The following COG7 variants were observed in gnomAD, a reference collection of about 807,000 sequenced individuals.
COG7 encodes component of oligomeric golgi complex 7.
In COG7, 49 loss-of-function variants were observed where a neutral mutation model predicts 91.5. The ratio of observed to expected loss-of-function variants is 0.54; its 90% CI spans 0.43 to 0.68. COG7 has a LOEUF of 0.68. Ranked by LOEUF, COG7 falls within the 30% of genes least tolerant of loss-of-function variation. The probability of loss-of-function intolerance (pLI) is 0.00; values close to 1 mark genes in which losing one functional copy is unlikely to be tolerated. For missense variants in COG7, 895 were observed against 961.3 expected, an observed-to-expected ratio of 0.93 and a Z score of 0.91; for synonymous variants, 365 against 388.7, an observed-to-expected ratio of 0.94 and a Z score of 0.72.
At chr16:23,396,972 C>T (rs1963294180) in intron 14 of COG7, among the ~76,000 whole-genome samples, 1 of 152,046 alleles carries the variant, frequency 6.6e-6, no homozygotes, top group African/African-American at 2.4e-5. Context: ...TGCAGTGGTG[C>T]AATCACAGCT....
intron 16 of COG7, among the ~76,000 whole-genome samples, chr16:23,391,195 G>T (rs975717823): frequency 1.3e-5 from 2 of 152,126 alleles, no homozygotes; most frequent in East Asian, 3.9e-4. Flanking sequence ...ACAGATGCTC[G>T]AGCAATGCTG....
rs1963823727 is a variant in COG7, at chr16:23,425,053, T to C, written c.811-106A>G. 4 of 947,984 alleles carry C rather than the reference T, an allele frequency of 4.2e-6. No individual in the cohort carries two copies. The South Asian group carries it at 4.3e-5, about 10-fold the overall frequency. The allele number at this position is 947,984 out of a possible 1,614,324, so 58.7% of individuals were successfully genotyped here. A position where few individuals can be genotyped will look rare whatever the true frequency, so the allele number is the denominator to read the frequency against. ...TGCCAGGCACGGTGGCTTATGCCTATAATCCCAGCACCTTGGGAGGCCAAG... is the reference window on the plus strand; with the variant it reads ...TGCCAGGCACGGTGGCTTATGCCTACAATCCCAGCACCTTGGGAGGCCAAG... On this transcript the variant is annotated intron_variant, in intron 6 of 16. Coordinates refer to ENST00000307149, the MANE Select transcript of COG7 (RefSeq NM_153603.4).
intron 1 of COG7, among the ~76,000 whole-genome samples, chr16:23,450,812 C>A (rs1238199162): frequency 6.6e-6 from 1 of 151,300 alleles, no homozygotes; most frequent in Non-Finnish European, 1.5e-5. Flanking sequence ...GCCTGGGTGA[C>A]AAAGTGAGAC....
At chr16:23,438,362 C>T (rs1331990704) in intron 4 of COG7, among the ~76,000 whole-genome samples, 1 of 152,044 alleles carries the variant, frequency 6.6e-6, no homozygotes, top group Non-Finnish European at 1.5e-5. Flanking sequence ...AGTCTAAGAC[C>T]AGCCTGAGCA....
chr16:23,445,073 T>C lies in COG7; in HGVS notation c.410A>G (p.Asp137Gly). 1 of 1,613,908 alleles carries C rather than the reference T, an allele frequency of 6.2e-7. No individual in the cohort carries two copies. The highest frequency in any genetic ancestry group is 1.6e-4 in the Middle Eastern group (1 of 6,062). The change falls in exon 3 of 17, where the codon GAT (aspartate) becomes GGT (glycine). Residue 137 changes from aspartate (D) to glycine (G), a missense_variant. By Grantham distance (94) the Asp-to-Gly change is moderately conservative (BLOSUM62 -1). Coordinates refer to ENST00000307149, the MANE Select transcript of COG7 (RefSeq NM_153603.4). ...EADKWSTLSA[D>G]IEETFKTQDI... ...CTGAGTCTTAAATGTCTCCTCAATA[T>C]CGGCGCTCAACGTGCTCCACTTATC...
At position 23,433,750 on chromosome 16, in the gene COG7, G is replaced by A. The variant is rs955821664; in HGVS notation, c.688-83C>T. The stretch of plus-strand genomic sequence containing the variant: ...ACACTGCCCTGCCCTGCTACCCAGC[G>A]TAATCACGGATTGCTCAATGGGCTC... On this transcript the variant is annotated intron_variant, in intron 5 of 16. Coordinates refer to ENST00000307149, the MANE Select transcript of COG7 (RefSeq NM_153603.4). The A allele has an allele frequency of 2.0e-5, 31 of 1,547,846 alleles. No individual in the cohort carries two copies. The Admixed American group carries it at 3.8e-4, about 19-fold the overall frequency.
intron 8 of COG7, among the ~76,000 whole-genome samples, chr16:23,417,650 T>A (rs1963679039): frequency 6.6e-6 from 1 of 152,064 alleles, no homozygotes; most frequent in Non-Finnish European, 1.5e-5. Context: ...TCCCAACTAC[T>A]GGGAAGCTGA....
At chr16:23,419,063 C>T (rs1159284150) in intron 7 of COG7, among the ~76,000 whole-genome samples, 1 of 152,182 alleles carries the variant, frequency 6.6e-6, no homozygotes, top group Non-Finnish European at 1.5e-5. Flanking sequence ...TTAAAGACAC[C>T]AGCCCCCTGA....
chr16:23,425,272 T>C (rs1330035408), intron 6 of COG7, among the ~76,000 whole-genome samples: 1 of 152,134 alleles, frequency 6.6e-6, no homozygotes, highest in African/African-American at 2.4e-5. Context: ...ACTGTGCCAC[T>C]GCACTCTAGC....
chr16:23,434,824 G>T, intron 4 of COG7, 106 bp from the exon 5 acceptor site: 1 of 760,168 alleles, frequency 1.3e-6, no homozygotes, highest in Non-Finnish European at 2.4e-6. Flanking sequence ...GTATTCACAA[G>T]TTCCTGCCTA....
intron 12 of COG7, 65 bp downstream of exon 12, chr16:23,406,011 G>T (rs1963454565): frequency 6.8e-7 from 1 of 1,471,466 alleles, no homozygotes; most frequent in East Asian, 2.3e-5. Flanking sequence ...AACCCAGAGA[G>T]GGAGAGGGTG....
At chr16:23,401,041 T>G (rs185776650) in intron 13 of COG7, among the ~76,000 whole-genome samples, 3 of 152,246 alleles carry the variant, frequency 2.0e-5, no homozygotes, top group African/African-American at 7.2e-5. Flanking sequence ...TGCAGGTCAT[T>G]TTTTAATTGT....
intron 13 of COG7, among the ~76,000 whole-genome samples, chr16:23,403,078 A>G (rs1428807124): frequency 6.6e-6 from 1 of 152,258 alleles, no homozygotes; most frequent in East Asian, 1.9e-4. Flanking sequence ...AAGGAAAGTA[A>G]CAAGATCTGG....
At position 23,398,070 on chromosome 16, in the gene COG7, G is replaced by A. The variant is rs756700197; in HGVS notation, c.1863C>T (p.Leu621=). 26 of 1,614,032 alleles carry A rather than the reference G, an allele frequency of 1.6e-5. No individual in the cohort carries two copies. Among genetic ancestry groups the A allele is most frequent in the African/African-American group, 6.7e-5 (5 of 74,930 alleles). Residue 621 remains leucine, a synonymous_variant, in exon 14 of 17, where the codon CTC becomes CTT. Transcript: ENST00000307149. ...CGTTGCTGATGTACTCGAGAGGGGTGAGACTAAAGGCGGGCAGTTCATCTG... is the reference window on the plus strand; with the variant it reads ...CGTTGCTGATGTACTCGAGAGGGGTAAGACTAAAGGCGGGCAGTTCATCTG... ...TLTDELPAFS[L]TPLEYISNIG...
At chr16:23,434,543 T>A (rs1021335094) in intron 5 of COG7, 93 bp downstream of exon 5, 1 of 971,522 alleles carries the variant, frequency 1.0e-6, no homozygotes, top group African/African-American at 1.6e-5. Context: ...GAGACAAATG[T>A]TCTTACCTTC....
chr16:23,452,576 A>G (rs1191271945), intron 1 of COG7, among the ~76,000 whole-genome samples: 1 of 152,224 alleles, frequency 6.6e-6, no homozygotes, highest in Non-Finnish European at 1.5e-5. Context: ...AAAGAAAGAA[A>G]AGAAAAAGGA....
At chr16:23,446,087 A>G in intron 1 of COG7, 126 bp from the exon 2 acceptor site, 1 of 1,197,608 alleles carries the variant, frequency 8.3e-7, no homozygotes, top group Non-Finnish European at 1.2e-6. Context: ...ACGACCAACC[A>G]AACGGTTTTT....
chr16:23,391,829 A>G, intron 16 of COG7: 1 of 234,816 alleles, frequency 4.3e-6, no homozygotes, highest in Non-Finnish European at 8.0e-6. Context: ...AGCAAAGGGG[A>G]CACGCCCACT....
rs79026804 is a variant in COG7 at position 23,413,595 on chromosome 16, G to C, written c.1293-31C>G. 47 of 1,143,228 alleles carry C rather than the reference G, an allele frequency of 4.1e-5. No homozygotes were observed. The East Asian group carries it at 1.1e-3, about 27-fold the overall frequency. The allele number at this position is 1,143,228 out of a possible 1,614,324, so 70.8% of individuals were successfully genotyped here. On this transcript the variant is annotated intron_variant, in intron 9 of 16. Transcript: ENST00000307149. ...GGGAAAGGGAAGAAAATGGTAGGGA[G>C]GTCACCACTGATTCCCCAACTCTAA...
Sources: allele counts gnomAD v4.1 joint callset (sites outside exome capture counted in the v4.1 genomes callset), GRCh38; gene constraint gnomAD v4.1.1; transcripts MANE v1.5; gene names NCBI Gene and HGNC (gene_info 2026-07-23, HGNC 2026-07-21).